Variants in MARCHF1 observed in about 807,000 individuals in gnomAD.
The protein encoded by MARCHF1 is E3 ubiquitin-protein ligase MARCHF1.
MARCHF1 carries 40 observed loss-of-function variants against 54.2 expected under a neutral mutation model. The observed-to-expected ratio is 0.74, with a 90% CI of 0.57 to 0.96. The LOEUF (loss-of-function observed/expected upper bound fraction) is 0.96. Among genes scored for constraint, MARCHF1 ranks in the 40% least tolerant of loss-of-function variants. The pLI is 0.00. For missense variants in MARCHF1, 586 were observed against 656.5 expected (o/e 0.89, Z 1.17); for synonymous variants, 236 against 236.3 (o/e 1.00, Z 0.01).
chr4:163,700,832 C>T lies in MARCHF1; in HGVS notation c.143G>A (p.Arg48Gln), dbSNP rs192745974. Residue 48 changes from arginine to glutamine, a missense_variant, in exon 5 of 10, where the codon CGA becomes CAA. Arg to Gln is a conservative substitution (Grantham distance 43). This residue lies in a region of MARCHF1 where 387 missense variants were observed against 394.6 expected (regional missense o/e 0.98). Coordinates refer to ENST00000514618, the MANE Select transcript of MARCHF1 (RefSeq NM_001394959.1). ...NEKSPGRSAS[R>Q]SSNISKASSP... ...ACCTACTTTTGAAATGTTACTTGAT[C>T]GACTTGCAGATCGCCCTGGGGATTT... 12 of 1,536,114 alleles carry T rather than the reference C, an allele frequency of 7.8e-6. No homozygotes were observed. The highest frequency in any genetic ancestry group is 3.9e-5 in the Admixed American group (2 of 50,968).
At chr4:164,085,207 A>G (rs1049666194) in intron 2 of MARCHF1, among the ~76,000 whole-genome samples, 2 of 151,850 alleles carry the variant, frequency 1.3e-5, no homozygotes, top group African/African-American at 4.8e-5. Context: ...AATTACAGCA[A>G]AATTCATATT....
Position 163,600,870 on chromosome 4 carries a change from C to A in MARCHF1, c.1010+11401G>T, listed in dbSNP as rs1740941207. On this transcript the variant is annotated intron_variant, in intron 7 of 9. Coordinates refer to ENST00000514618, the MANE Select transcript of MARCHF1 (RefSeq NM_001394959.1). The stretch of plus-strand genomic sequence containing the variant: ...TCAGTTTAATGTCGATACTAAAATC[C>A]GTCGCCAAACACAGACACTTCTGAA... Among the ~76,000 whole-genome samples the A allele has an allele frequency of 2.0e-5, 3 of 152,034 alleles. No individual in the cohort carries two copies. The South Asian group carries it at 6.2e-4, about 32-fold the overall frequency.
intron 4 of MARCHF1, among the ~76,000 whole-genome samples, chr4:163,781,223 T>C (rs1297731880): frequency 6.6e-6 from 1 of 152,230 alleles, no homozygotes; most frequent in African/African-American, 2.4e-5. Context: ...TGGTGGCAGA[T>C]GGCTGTAATC....
At chr4:163,546,632 C>T (rs184292165) in intron 8 of MARCHF1, among the ~76,000 whole-genome samples, 130 of 152,292 alleles carry the variant, frequency 8.5e-4, no homozygotes, top group Non-Finnish European at 1.1e-3. Context: ...CAAATTTTAT[C>T]ACTTGGGCGA....
Position 163,910,551 on chromosome 4 carries a change from A to G in MARCHF1, c.-38-56382T>C, listed in dbSNP as rs577671207. Among the ~76,000 whole-genome samples, 10 of 152,212 alleles carry G rather than the reference A, an allele frequency of 6.6e-5. No homozygotes were observed. The East Asian group carries it at 1.9e-3, about 29-fold the overall frequency. On this transcript the variant is annotated intron_variant, in intron 3 of 9. Transcript: ENST00000514618. ...TTGCTCTTGTCCAGGCAGAAGTGCA[A>G]TGGCGCGATCTTGGCTCACTGCACC...
chr4:164,317,892 T>C (rs1735040778), intron 1 of MARCHF1, among the ~76,000 whole-genome samples: 1 of 152,156 alleles, frequency 6.6e-6, no homozygotes, highest in Admixed American at 6.5e-5. Flanking sequence ...TCAATGTGAA[T>C]TAGGTCAACT....
chr4:163,745,320 G>T (rs192787294), intron 4 of MARCHF1, among the ~76,000 whole-genome samples: 4 of 151,852 alleles, frequency 2.6e-5, no homozygotes, highest in African/African-American at 9.7e-5. Context: ...TCATCATCTT[G>T]TCCATGCTGA....
At chr4:163,728,985 T>C (rs1745749300) in intron 4 of MARCHF1, among the ~76,000 whole-genome samples, 1 of 152,168 alleles carries the variant, frequency 6.6e-6, no homozygotes, top group African/African-American at 2.4e-5. Flanking sequence ...TTATCATGAA[T>C]GGCTATTAGA....
At chr4:163,789,289 G>C (rs1008008934) in intron 4 of MARCHF1, among the ~76,000 whole-genome samples, 5 of 151,826 alleles carry the variant, frequency 3.3e-5, no homozygotes, top group African/African-American at 1.2e-4. Flanking sequence ...AAAATAACTG[G>C]AAAGTTTTAG....
At position 163,854,048 on chromosome 4, in the gene MARCHF1, C is replaced by T; in HGVS notation, c.84G>A (p.Leu28=). 9 of 1,536,826 alleles carry T rather than the reference C, an allele frequency of 5.9e-6. No homozygotes were observed. The highest frequency in any genetic ancestry group is 7.0e-6 in the Non-Finnish European group (8 of 1,146,662). Residue 28 remains leucine, a synonymous_variant, in exon 4 of 10, where the codon TTG becomes TTA. Transcript: ENST00000514618. ...NTRTPEISGD[L]ADASQTSTLN... ...ATGTGGAGGTTTGTGAGGCGTCAGC[C>T]AAATCCCCTGAGATCTCGGGTGTTC...
intron 5 of MARCHF1, among the ~76,000 whole-genome samples, chr4:163,692,672 C>T (rs1430595555): frequency 6.8e-6 from 1 of 146,188 alleles, no homozygotes; most frequent in Non-Finnish European, 1.5e-5. Context: ...CATTAGCTAA[C>T]TGATATTTGG....
intron 1 of MARCHF1, among the ~76,000 whole-genome samples, chr4:164,205,957 T>C (rs1008791997): frequency 2.6e-5 from 4 of 152,152 alleles, no homozygotes; most frequent in Non-Finnish European, 1.5e-5. Flanking sequence ...CCATTAATAA[T>C]AGGCTCAGCT....
chr4:163,894,624 T>C (rs1482981595), intron 3 of MARCHF1, among the ~76,000 whole-genome samples: 1 of 140,628 alleles, frequency 7.1e-6, no homozygotes. Flanking sequence ...TATATGCATG[T>C]GATGCATATA....
chr4:164,230,210 A>T (rs1732378374), intron 1 of MARCHF1, among the ~76,000 whole-genome samples: 1 of 152,106 alleles, frequency 6.6e-6, no homozygotes, highest in African/African-American at 2.4e-5. Flanking sequence ...AGCCTGACCA[A>T]TATGATGAAA....
intron 7 of MARCHF1, among the ~76,000 whole-genome samples, chr4:163,600,160 A>G (rs1292593563): frequency 1.3e-5 from 2 of 152,040 alleles, no homozygotes; most frequent in Non-Finnish European, 2.9e-5. Context: ...ATCTATTTAT[A>G]TACACACATA....
intron 3 of MARCHF1, among the ~76,000 whole-genome samples, chr4:163,867,278 T>C (rs1484850485): frequency 6.6e-6 from 1 of 151,942 alleles, no homozygotes; most frequent in East Asian, 1.9e-4. Flanking sequence ...GATATTTACA[T>C]AAAGTGATGA....
At chr4:163,763,507 A>C (rs1188410642) in intron 4 of MARCHF1, among the ~76,000 whole-genome samples, 4 of 152,150 alleles carry the variant, frequency 2.6e-5, no homozygotes, top group Non-Finnish European at 5.9e-5. Flanking sequence ...CGTTTTTCTC[A>C]GAAGTATCCA....
chr4:164,171,954 T>C (rs1458428639), intron 1 of MARCHF1, among the ~76,000 whole-genome samples: 1 of 152,226 alleles, frequency 6.6e-6, no homozygotes, highest in Non-Finnish European at 1.5e-5. Context: ...GTAAAATGTA[T>C]AGTTGAGCGC....
At chr4:163,927,183 G>A (rs1159490008) in intron 3 of MARCHF1, among the ~76,000 whole-genome samples, 6 of 151,656 alleles carry the variant, frequency 4.0e-5, no homozygotes, top group African/African-American at 1.2e-4. Context: ...ATGGAAAAGC[G>A]CAACTTGATG....
Sources: allele counts gnomAD v4.1 joint callset (sites outside exome capture counted in the v4.1 genomes callset), GRCh38; gene constraint gnomAD v4.1.1; regional missense constraint gnomAD v4.1.1; transcripts MANE v1.5; gene names NCBI Gene and HGNC (gene_info 2026-07-23, HGNC 2026-07-21).